The following SHROOM3 variants were observed in gnomAD, a reference collection of about 807,000 sequenced individuals.
SHROOM3 encodes protein Shroom3.
Under a neutral mutation model 138.6 loss-of-function variants are expected in SHROOM3, and 47 were observed. The ratio of observed to expected loss-of-function variants is 0.34; its 90% confidence interval spans 0.27 to 0.43. The LOEUF (loss-of-function observed/expected upper bound fraction) is 0.43, where lower values mean the gene tolerates loss of function less well. SHROOM3 is among the 20% of genes least tolerant of loss of function. The probability of loss-of-function intolerance (pLI) is 1.00; values close to 1 mark genes in which losing one functional copy is unlikely to be tolerated. For synonymous variants in SHROOM3, 1,062 were observed against 1,063.3 expected (o/e 1.00, Z 0.02); for missense variants, 2,491 against 2,596.5 (o/e 0.96, Z 0.88).
At chr4:76,504,164 T>A (rs184081623) in intron 1 of SHROOM3, among the ~76,000 whole-genome samples, 4,920 of 149,200 alleles carry the variant, frequency 0.033, 115 homozygotes, top group Non-Finnish European at 0.05. Context: ...CTCAAAAAAA[T>A]TTTTTTTTTT....
intron 2 of SHROOM3, among the ~76,000 whole-genome samples, chr4:76,638,377 G>T (rs1428173518): frequency 1.3e-5 from 2 of 151,574 alleles, no homozygotes; most frequent in East Asian, 3.9e-4. Flanking sequence ...AGCATAGCAA[G>T]ACCCTGTTTC....
At chr4:76,623,103 T>C (rs1735044731) in intron 2 of SHROOM3, among the ~76,000 whole-genome samples, 1 of 152,238 alleles carries the variant, frequency 6.6e-6, no homozygotes. Flanking sequence ...ACACATTTCA[T>C]GCTTTTGATT....
intron 2 of SHROOM3, among the ~76,000 whole-genome samples, chr4:76,574,556 A>T (rs940388219): frequency 1.3e-5 from 2 of 152,196 alleles, no homozygotes; most frequent in African/African-American, 4.8e-5. Context: ...TATTAGACAG[A>T]CCGGATACTC....
intron 2 of SHROOM3, chr4:76,709,854 CA>C: frequency 2.1e-5 from 7 of 340,918 alleles, no homozygotes; most frequent in South Asian, 1.9e-4. Context: ...GTCTTTATAA[CA>C]GTTAATATAA....
Position 76,739,432 on chromosome 4 carries a change from T to C in SHROOM3, c.1259T>C (p.Leu420Ser), listed in dbSNP as rs1721177147. The change falls in exon 5 of 11, where the codon TTA (leucine) becomes TCA (serine). Residue 420 changes from leucine to serine, a missense_variant. Leu to Ser is a moderately radical substitution (Grantham distance 145). Around this residue, in one of 4 missense-constraint regions of SHROOM3, gnomAD observed 1,733 missense variants for 1,661.6 expected, o/e 1.04. Coordinates refer to ENST00000296043, the MANE Select transcript of SHROOM3 (RefSeq NM_020859.4). ...KRLCRPQANS[L>S]GSLKSPFIEE... ...CTCTGCCGGCCTCAGGCAAACTCTTTAGGCTCCCTGAAGTCTCCATTCATA... is the reference window on the plus strand; with the variant it reads ...CTCTGCCGGCCTCAGGCAAACTCTTCAGGCTCCCTGAAGTCTCCATTCATA... The C allele has an allele frequency of 4.3e-6, 7 of 1,614,148 alleles. No individual in the cohort carries two copies. The highest frequency in any genetic ancestry group is 4.2e-6 in the Non-Finnish European group (5 of 1,180,030).
At chr4:76,526,551 G>C (rs1295138220) in intron 1 of SHROOM3, among the ~76,000 whole-genome samples, 1 of 152,112 alleles carries the variant, frequency 6.6e-6, no homozygotes, top group Non-Finnish European at 1.5e-5. Context: ...TGCAGGCATA[G>C]GAAGGAAATA....
Position 76,756,927 on chromosome 4 carries a change from G to A in SHROOM3, c.5188G>A (p.Glu1730Lys). 2 of 1,614,028 alleles carry A rather than the reference G, an allele frequency of 1.2e-6. No individual in the cohort carries two copies. Among genetic ancestry groups the A allele is most frequent in the African/African-American group, 2.7e-5 (2 of 75,052 alleles). Residue 1730 changes from glutamate to lysine, a missense_variant, in exon 8 of 11, where the codon GAA becomes AAA. This residue lies in a region of SHROOM3 where 470 missense variants were observed against 595.0 expected (regional missense o/e 0.79). Transcript: ENST00000296043. ...GAGAACTGTCAGCTCTTCAGGATGTGAAGGCAAGAGGTAAGTCCCTGGTGA... is the reference window on the plus strand; with the variant it reads ...GAGAACTGTCAGCTCTTCAGGATGTAAAGGCAAGAGGTAAGTCCCTGGTGA... ...IQRTVSSSGCEGKRNEDKEAV... is the reference protein window; with the variant it reads ...IQRTVSSSGCKGKRNEDKEAV...
intron 1 of SHROOM3, among the ~76,000 whole-genome samples, chr4:76,450,653 C>G (rs1231844457): frequency 1.3e-5 from 2 of 152,086 alleles, no homozygotes; most frequent in Admixed American, 1.3e-4. Flanking sequence ...ATATGAGATA[C>G]CCAGAAAAGG....
In SHROOM3 at chr4:76,508,089, T is replaced by G. The variant is rs111576360; in HGVS notation, c.169-47520T>G. Among the ~76,000 whole-genome samples the G allele has an allele frequency of 8.7e-3, 1,328 of 152,322 alleles. 16 individuals are homozygous for G. Among genetic ancestry groups the G allele is most frequent in the African/African-American group, 0.03 (1,259 of 41,574 alleles). The stretch of plus-strand genomic sequence containing the variant: ...GATGATGTCCAATTTATTTTTTTCT[T>G]TTATTACTTGTGCTTTTGTAATCGT... On this transcript the variant is annotated intron_variant, in intron 1 of 10. Coordinates refer to ENST00000296043, the MANE Select transcript of SHROOM3 (RefSeq NM_020859.4).
chr4:76,608,626 TATA>T lies in SHROOM3; in HGVS notation c.323+52864_323+52866del, dbSNP rs1560563247. Among the ~76,000 whole-genome samples the T allele has an allele frequency of 2.7e-3, 274 of 100,886 alleles. 6 individuals are homozygous for T. Among genetic ancestry groups the T allele is most frequent in the Middle Eastern group, 7.8e-3 (2 of 258 alleles). The allele number at this position is 100,886 out of a possible 152,430, so 66.2% of individuals were successfully genotyped here. A position where few individuals can be genotyped will look rare whatever the true frequency, so the allele number is the denominator to read the frequency against. On this transcript the variant is annotated intron_variant, in intron 2 of 10. Coordinates refer to ENST00000296043, the MANE Select transcript of SHROOM3 (RefSeq NM_020859.4). ...ATAGCATAGCATTGGACAGAGATGG[TATA>T]GCATAGCATAGCATAGCATAGCATA...
chr4:76,600,823 G>A (rs1304374465), intron 2 of SHROOM3, among the ~76,000 whole-genome samples: 4 of 152,190 alleles, frequency 2.6e-5, no homozygotes, highest in African/African-American at 9.7e-5. Flanking sequence ...AGAAAAGGGA[G>A]TGGTGAGAAT....
intron 1 of SHROOM3, among the ~76,000 whole-genome samples, chr4:76,492,787 T>C (rs1731880687): frequency 6.6e-6 from 1 of 152,130 alleles, no homozygotes; most frequent in South Asian, 2.1e-4. Flanking sequence ...CTACATGGTA[T>C]TGGGCTGGGG....
intron 3 of SHROOM3, among the ~76,000 whole-genome samples, chr4:76,728,997 A>G (rs1578000266): frequency 6.6e-6 from 1 of 152,226 alleles, no homozygotes; most frequent in South Asian, 2.1e-4. Context: ...AGATCTCTGA[A>G]GGCTTGTCTC....
intron 2 of SHROOM3, among the ~76,000 whole-genome samples, chr4:76,694,535 G>C (rs1719665070): frequency 6.6e-6 from 1 of 152,128 alleles, no homozygotes; most frequent in Non-Finnish European, 1.5e-5. Flanking sequence ...TTATATAAAG[G>C]CAATTGAGTA....
intron 2 of SHROOM3, among the ~76,000 whole-genome samples, chr4:76,663,612 G>C (rs1470702189): frequency 6.6e-6 from 1 of 152,156 alleles, no homozygotes; most frequent in African/African-American, 2.4e-5. Context: ...TGTTGCTCAG[G>C]CTGAACTCCT....
chr4:76,674,086 C>T (rs1371367445), intron 2 of SHROOM3, among the ~76,000 whole-genome samples: 1 of 151,946 alleles, frequency 6.6e-6, no homozygotes, highest in African/African-American at 2.4e-5. Context: ...GTTGACCAGG[C>T]TGGTCTGAAA....
In SHROOM3 at chr4:76,732,330, T is replaced by C. The variant is rs1421781618; in HGVS notation, c.587+1395T>C. Among the ~76,000 whole-genome samples, 3 of 152,180 alleles carry C rather than the reference T, an allele frequency of 2.0e-5. No homozygotes were observed. In the East Asian group the frequency reaches 5.8e-4, roughly 29 times the overall value. Reference sequence around the variant, plus strand: ...TTACTTAATGAACAGATGGTAGCTATGCATTTGGCAAGGCCAGAACTCAGT... The same window carrying C: ...TTACTTAATGAACAGATGGTAGCTACGCATTTGGCAAGGCCAGAACTCAGT... On this transcript the variant is annotated intron_variant, in intron 4 of 10. Transcript: ENST00000296043.
chr4:76,623,967 T>C (rs1418534455), intron 2 of SHROOM3, among the ~76,000 whole-genome samples: 1 of 152,210 alleles, frequency 6.6e-6, no homozygotes, highest in East Asian at 1.9e-4. Flanking sequence ...CTATTTTAGT[T>C]TTGTTTTGCT....
rs60652477 is a variant in SHROOM3 at position 76,517,621 on chromosome 4, G to GTATATA, written c.169-37973_169-37968dup. On this transcript the variant is annotated intron_variant, in intron 1 of 10. Coordinates refer to ENST00000296043, the MANE Select transcript of SHROOM3 (RefSeq NM_020859.4). ...CTTAGGGTTTTTGTTTGTTTGTTTG[G>GTATATA]TATATATATATATATATATAAAGGG... 6.1e-3 allele frequency among the ~76,000 whole-genome samples: 892 copies of GTATATA among 146,896 alleles called. 16 individuals carry two copies. The highest frequency in any genetic ancestry group is 0.054 in the East Asian group (268 of 4,976).
Sources: allele counts gnomAD v4.1 joint callset (sites outside exome capture counted in the v4.1 genomes callset), GRCh38; gene constraint gnomAD v4.1.1; regional missense constraint gnomAD v4.1.1; transcripts MANE v1.5; gene names NCBI Gene and HGNC (gene_info 2026-07-23, HGNC 2026-07-21).